ITGA4: variants seen among roughly 807,000 people sequenced by gnomAD.
ITGA4 encodes integrin subunit alpha 4.
ITGA4 carries 63 observed loss-of-function variants against 133.6 expected under a neutral mutation model. The observed-to-expected ratio is 0.47, with a 90% CI of 0.38 to 0.58. ITGA4 has a LOEUF of 0.58. Ranked by LOEUF, ITGA4 falls within the 20% of genes least tolerant of loss-of-function variation. ITGA4 has a pLI of 0.00. For missense variants in ITGA4, 1,076 were observed against 1,252.7 expected (o/e 0.86, Z 2.13); for synonymous variants, 483 against 438.0 (o/e 1.10, Z -1.28).
chr2:181,458,229 C>T lies in ITGA4; in HGVS notation c.231C>T (p.Leu77=), dbSNP rs778370219. Reference sequence around the variant, plus strand: ...TGGGTGCGCCCACTGCCAACTGGCTCGCCAACGCTTCAGTGATCAATCCCG... The same window carrying T: ...TGGGTGCGCCCACTGCCAACTGGCTTGCCAACGCTTCAGTGATCAATCCCG... ...LLVGAPTANW[L]ANASVINPGA... is the part of the protein sequence containing the mutation. The change falls in exon 2 of 28, where the codon CTC becomes CTT. Residue 77 remains leucine (L), a synonymous_variant. Coordinates refer to ENST00000397033, the MANE Select transcript of ITGA4 (RefSeq NM_000885.6). 2 of 1,613,824 alleles carry T rather than the reference C, an allele frequency of 1.2e-6. No individual in the cohort carries two copies. Among genetic ancestry groups the T allele is most frequent in the East Asian group, 4.5e-5 (2 of 44,848 alleles).
At position 181,509,642 on chromosome 2, in the gene ITGA4, T is replaced by C. The variant is rs757046135; in HGVS notation, c.1696-16T>C. 4 of 1,560,802 alleles carry C rather than the reference T, an allele frequency of 2.6e-6. No homozygotes were observed. Among genetic ancestry groups the C allele is most frequent in the Non-Finnish European group, 3.4e-6 (4 of 1,159,706 alleles). On this transcript the variant is annotated splice_polypyrimidine_tract_variant and intron_variant, in intron 15 of 27. Transcript: ENST00000397033. ...TGCTTGTTTTTGTTAATTCATATGG[T>C]GGTTATTTTCCTTAGAAAGATGTGC...
chr2:181,493,293 T>C, intron 10 of ITGA4, 32 bp from the exon 11 acceptor site: 1 of 1,468,260 alleles, frequency 6.8e-7, no homozygotes, highest in Non-Finnish European at 9.5e-7. Flanking sequence ...GTATCAAGAA[T>C]TTATTTTTCC....
At chr2:181,486,162 A>C in intron 10 of ITGA4, 170 bp downstream of exon 10, 1 of 744,750 alleles carries the variant, frequency 1.3e-6, no homozygotes, top group African/African-American at 1.8e-5. Context: ...CTCAATTGTC[A>C]CCCATTGATC....
At position 181,457,626 on chromosome 2, in the gene ITGA4, T is replaced by G. The variant is rs1469559839; in HGVS notation, c.-29T>G. On this transcript the variant is annotated 5_prime_UTR_variant, in exon 1 of 28. Transcript: ENST00000397033. The stretch of plus-strand genomic sequence containing the variant: ...GTGCAACTTTGGGGTAGTGGCCGTT[T>G]AGTGTTGAATGTTCCCCACCGAGAG... The G allele has an allele frequency of 6.3e-7, 1 of 1,595,754 alleles. No homozygotes were observed. Among genetic ancestry groups the G allele is most frequent in the Non-Finnish European group, 8.5e-7 (1 of 1,173,102 alleles).
rs375894550 is a variant in ITGA4 at position 181,499,001 on chromosome 2, C to T, written c.1695+224C>T. The T allele has an allele frequency of 7.9e-5, 39 of 495,492 alleles. No individual in the cohort carries two copies. The East Asian group carries it at 2.9e-3, about 36-fold the overall frequency. The allele number at this position is 495,492 out of a possible 1,614,324, so 30.7% of individuals were successfully genotyped here. On this transcript the variant is annotated intron_variant, in intron 15 of 27. Coordinates refer to ENST00000397033, the MANE Select transcript of ITGA4 (RefSeq NM_000885.6). ...TTTTCACATTTATCACATTTGACCT[C>T]ATCATTTGAAAACACTTGCCTTTTC... is the stretch of plus-strand genomic sequence containing the variant.
In ITGA4 at chr2:181,457,997, C is replaced by A. The variant is rs1042513326; in HGVS notation, c.197+146C>A. 1.2e-5 allele frequency: 14 copies of A among 1,120,636 alleles called. No individual in the cohort carries two copies. The African/African-American group carries it at 1.3e-4, about 10-fold the overall frequency. The allele number at this position is 1,120,636 out of a possible 1,614,324, so 69.4% of individuals were successfully genotyped here. A position where few individuals can be genotyped will look rare whatever the true frequency, so the allele number is the denominator to read the frequency against. On this transcript the variant is annotated intron_variant, in intron 1 of 27. Coordinates refer to ENST00000397033, the MANE Select transcript of ITGA4 (RefSeq NM_000885.6). ...CGAGAGCCAGCTCGCTGGAAATCTG[C>A]CAGGGAAACTAACTTATCTTGGGGC...
intron 2 of ITGA4, among the ~76,000 whole-genome samples, chr2:181,467,353 G>C (rs1685444055): frequency 6.6e-6 from 1 of 152,164 alleles, no homozygotes; most frequent in Non-Finnish European, 1.5e-5. Flanking sequence ...GCCAGACTGA[G>C]AGCCCCAGTC....
chr2:181,480,875 A>G (rs1161654276), intron 6 of ITGA4, among the ~76,000 whole-genome samples: 1 of 152,138 alleles, frequency 6.6e-6, no homozygotes, highest in East Asian at 1.9e-4. Context: ...ATACTTTATC[A>G]TCTGTATTTC....
Position 181,511,703 on chromosome 2 carries a change from A to T in ITGA4, c.1850A>T (p.Asn617Ile), listed in dbSNP as rs751000700. 6 of 1,567,794 alleles carry T rather than the reference A, an allele frequency of 3.8e-6. No individual in the cohort carries two copies. In the South Asian group the frequency reaches 5.6e-5, roughly 15 times the overall value. ...KEKDIMKKTINFARFCAHENC... is the reference protein window; with the variant it reads ...KEKDIMKKTIIFARFCAHENC... ...ACGTTGTCTTTTTATTTCCAGATAA[A>T]CTTTGCAAGGTTTTGTGCCCATGAA... Residue 617 changes from asparagine to isoleucine, a missense_variant, in exon 17 of 28, where the codon AAC (asparagine) becomes ATC (isoleucine). Transcript: ENST00000397033.
intron 25 of ITGA4, among the ~76,000 whole-genome samples, chr2:181,533,308 G>T (rs1686983809): frequency 6.6e-6 from 1 of 152,198 alleles, no homozygotes; most frequent in Admixed American, 6.6e-5. Flanking sequence ...TTAAGAGGAA[G>T]ATACACTAGA....
At chr2:181,475,841 C>A in intron 4 of ITGA4, 2 of 1,603,838 alleles carry the variant, frequency 1.2e-6, no homozygotes, top group Admixed American at 1.7e-5. Context: ...AAGTACAGAG[C>A]TAGGACATAA....
intron 19 of ITGA4, 103 bp from the exon 20 acceptor site, chr2:181,524,068 A>T (rs571911819): frequency 6.9e-6 from 5 of 724,914 alleles, no homozygotes; most frequent in Non-Finnish European, 1.2e-5. Context: ...CAATGGTTCA[A>T]TTCTACATTC....
chr2:181,464,323 G>T (rs1192444748), intron 2 of ITGA4, among the ~76,000 whole-genome samples: 2 of 151,994 alleles, frequency 1.3e-5, no homozygotes, highest in Non-Finnish European at 2.9e-5. Flanking sequence ...CACTGCAGAG[G>T]GTTGAGAAGT....
chr2:181,489,927 T>A (rs745488214), intron 10 of ITGA4, among the ~76,000 whole-genome samples: 1 of 152,092 alleles, frequency 6.6e-6, no homozygotes, highest in Non-Finnish European at 1.5e-5. Context: ...TCGGCAAGAC[T>A]CCTGTCTCAA....
In ITGA4 at chr2:181,494,808, T is replaced by C; in HGVS notation, c.1335T>C (p.Tyr445=). The change falls in exon 12 of 28, where the codon TAT becomes TAC. Residue 445 remains tyrosine, a synonymous_variant. Transcript: ENST00000397033. ...SGQIDADNNG[Y]VDVAVGAFRS... ...AAATTGATGCAGATAATAATGGCTATGTAGGTGAGTAATTAGTTTATCATA... is the reference window on the plus strand; with the variant it reads ...AAATTGATGCAGATAATAATGGCTACGTAGGTGAGTAATTAGTTTATCATA... The C allele has an allele frequency of 6.9e-7, 1 of 1,457,892 alleles. No homozygotes were observed. The highest frequency in any genetic ancestry group is 9.6e-7 in the Non-Finnish European group (1 of 1,038,042). The allele number at this position is 1,457,892 out of a possible 1,614,324, so 90.3% of individuals were successfully genotyped here.
chr2:181,465,423 T>G (rs1185395483), intron 2 of ITGA4, among the ~76,000 whole-genome samples: 1 of 152,122 alleles, frequency 6.6e-6, no homozygotes, highest in Non-Finnish European at 1.5e-5. Flanking sequence ...CTTTTTTTCT[T>G]TTTCTTTTTC....
At chr2:181,465,835 C>A (rs1408913236) in intron 2 of ITGA4, among the ~76,000 whole-genome samples, 1 of 152,002 alleles carries the variant, frequency 6.6e-6, no homozygotes. Flanking sequence ...AGTGGTGTGA[C>A]CTTGGGCAAG....
intron 2 of ITGA4, among the ~76,000 whole-genome samples, chr2:181,467,592 G>A (rs977075592): frequency 5.3e-5 from 8 of 152,100 alleles, no homozygotes; most frequent in African/African-American, 1.9e-4. Context: ...AAAAGAGCAG[G>A]GCAAGATAGG....
chr2:181,496,001 T>G, intron 14 of ITGA4, 64 bp downstream of exon 14: 1 of 1,524,532 alleles, frequency 6.6e-7, no homozygotes, highest in Non-Finnish European at 9.0e-7. Flanking sequence ...CCCACAATCC[T>G]GCTTGGAGCC....
Sources: gnomAD v4.1 joint callset for allele counts (sites outside exome capture counted in the v4.1 genomes callset) on GRCh38, gnomAD v4.1.1 for gene constraint, MANE v1.5 for transcripts, NCBI Gene and HGNC (gene_info 2026-07-23, HGNC 2026-07-21) for gene names.